CLCN5: variants seen among roughly 807,000 people sequenced by gnomAD.
The protein encoded by CLCN5 is Cl-/H+ antiporter 5.
Under a neutral mutation model 54.0 loss-of-function variants are expected in CLCN5, and 17 were observed. That is an observed-to-expected ratio of 0.31 (90% confidence interval 0.22 to 0.47). The LOEUF (loss-of-function observed/expected upper bound fraction) is 0.47, where lower values mean the gene tolerates loss of function less well. CLCN5 is among the 20% of genes least tolerant of loss of function. CLCN5 has a pLI of 1.00. For synonymous variants in CLCN5, 222 were observed against 233.0 expected (o/e 0.95, Z 0.43); for missense variants, 448 against 646.7 (o/e 0.69, Z 3.33).
intron 4 of CLCN5, among the ~76,000 whole-genome samples, chrX:50,043,720 T>C (rs1436490629): frequency 9.8e-5 from 11 of 111,986 alleles, no homozygotes; most frequent in Non-Finnish European, 2.1e-4. Context: ...CACTTCTAGT[T>C]TGTCTCTTTT....
chrX:50,007,413 C>CTCTT (rs1930230184), intron 3 of CLCN5, among the ~76,000 whole-genome samples: 1 of 97,910 alleles, frequency 1.0e-5, no homozygotes, highest in Non-Finnish European at 2.0e-5. Flanking sequence ...CTCTCTCTCT[C>CTCTT]TCTCTCTCTC....
intron 3 of CLCN5, among the ~76,000 whole-genome samples, chrX:49,995,542 G>A (rs782293728): frequency 9.0e-6 from 1 of 111,666 alleles, no homozygotes; most frequent in Admixed American, 9.5e-5. Context: ...TCATAGCAGA[G>A]ACATTCTTAG....
At chrX:49,939,602 C>T (rs1365255347) in intron 3 of CLCN5, among the ~76,000 whole-genome samples, 8 of 109,647 alleles carry the variant, frequency 7.3e-5, no homozygotes, top group Non-Finnish European at 1.1e-4. Flanking sequence ...AACACTTGGA[C>T]GCAGGAAGGG....
At chrX:49,996,219 T>C (rs1378767491) in intron 3 of CLCN5, among the ~76,000 whole-genome samples, 1 of 112,256 alleles carries the variant, frequency 8.9e-6, no homozygotes, top group Non-Finnish European at 1.9e-5. Flanking sequence ...TTCATCTTCA[T>C]AAAACACCAC....
intron 3 of CLCN5, chrX:50,003,611 G>T (rs1557180957): frequency 2.9e-6 from 1 of 342,773 alleles, no homozygotes; most frequent in Non-Finnish European, 5.9e-6. Flanking sequence ...GCTCTCTTGT[G>T]CATGTGTATA....
intron 3 of CLCN5, among the ~76,000 whole-genome samples, chrX:49,963,077 G>GA (rs1433471514): frequency 1.1e-4 from 12 of 112,020 alleles, no homozygotes; most frequent in African/African-American, 3.2e-4. Context: ...GGAAGTGCTT[G>GA]AATTGAGGTA....
At chrX:50,080,384 G>C (rs938217643) in intron 7 of CLCN5, among the ~76,000 whole-genome samples, 2 of 110,532 alleles carry the variant, frequency 1.8e-5, no homozygotes, top group Non-Finnish European at 3.8e-5. Context: ...AATTTCCTTT[G>C]GGTGTAGCAA....
At chrX:49,960,728 T>A (rs1234631701) in intron 3 of CLCN5, among the ~76,000 whole-genome samples, 1 of 110,873 alleles carries the variant, frequency 9.0e-6, no homozygotes, top group Admixed American at 9.6e-5. Context: ...ATCATCTCCC[T>A]TCTCTCTCTT....
At chrX:50,063,577 G>C (rs1477208885) in intron 4 of CLCN5, among the ~76,000 whole-genome samples, 3 of 107,400 alleles carry the variant, frequency 2.8e-5, no homozygotes, top group East Asian at 5.8e-4. Flanking sequence ...TTCTCCCAGA[G>C]GTACAAGGAG....
chrX:49,934,720 AATC>A (rs1226498103), intron 3 of CLCN5, among the ~76,000 whole-genome samples: 1 of 112,087 alleles, frequency 8.9e-6, no homozygotes, highest in Non-Finnish European at 1.9e-5. Context: ...GTGGAAATGA[AATC>A]GATATTACTA....
intron 8 of CLCN5, among the ~76,000 whole-genome samples, chrX:50,081,145 G>A (rs1379860662): frequency 9.0e-6 from 1 of 111,595 alleles, no homozygotes; most frequent in Non-Finnish European, 1.9e-5. Context: ...TTGCTTGACA[G>A]TGACTAAAGA....
intron 3 of CLCN5, among the ~76,000 whole-genome samples, chrX:49,960,341 C>A (rs1601979827): frequency 9.0e-6 from 1 of 110,966 alleles, no homozygotes; most frequent in East Asian, 2.9e-4. Context: ...TATCCATGAC[C>A]AAACTGTGAT....
At chrX:50,051,890 T>C in intron 4 of CLCN5, among the ~76,000 whole-genome samples, 1 of 112,018 alleles carries the variant, frequency 8.9e-6, no homozygotes, top group East Asian at 2.8e-4. Context: ...ATGTTGTCTT[T>C]ATTAGTTCTA....
intron 3 of CLCN5, among the ~76,000 whole-genome samples, chrX:50,032,540 G>A (rs1931760930): frequency 9.2e-6 from 1 of 108,358 alleles, no homozygotes; most frequent in Non-Finnish European, 1.9e-5. Context: ...GTCTGTTCAT[G>A]TCCTTTGCCC....
chrX:49,938,282 A>C (rs1926112816), intron 3 of CLCN5, among the ~76,000 whole-genome samples: 1 of 111,857 alleles, frequency 8.9e-6, no homozygotes, highest in Admixed American at 9.6e-5. Flanking sequence ...GAATTGGAAA[A>C]AACTACTTTA....
chrX:49,962,239 G>A (rs1257456968), intron 3 of CLCN5, among the ~76,000 whole-genome samples: 6 of 111,945 alleles, frequency 5.4e-5, no homozygotes, highest in Non-Finnish European at 7.5e-5. Context: ...ATCCAAGTGG[G>A]ACTGATAAAT....
chrX:49,960,011 T>A (rs1421315061), intron 3 of CLCN5, among the ~76,000 whole-genome samples: 2 of 111,498 alleles, frequency 1.8e-5, no homozygotes, highest in Non-Finnish European at 3.8e-5. Flanking sequence ...CTTTCACATC[T>A]CCTGTTCCCT....
chrX:50,072,597 A>G lies in CLCN5; in HGVS notation c.415+9A>G. ...TATTGGGCTTTTATCAGGTATGGTAAACTGTTAGTTTTCAAAACAAATCTC... is the reference window on the plus strand; with the variant it reads ...TATTGGGCTTTTATCAGGTATGGTAGACTGTTAGTTTTCAAAACAAATCTC... On this transcript the variant is annotated intron_variant, in intron 6 of 14. Coordinates refer to ENST00000376091, the MANE Select transcript of CLCN5 (RefSeq NM_001127898.4). The G allele has an allele frequency of 8.6e-7, 1 of 1,158,947 alleles. No individual in the cohort carries two copies. The highest frequency in any genetic ancestry group is 1.2e-6 in the Non-Finnish European group (1 of 847,992).
intron 3 of CLCN5, among the ~76,000 whole-genome samples, chrX:50,007,381 CTCTCTCTCTCTCTCTT>C: frequency 1.1e-5 from 1 of 92,999 alleles, no homozygotes; most frequent in Non-Finnish European, 2.1e-5. Context: ...CATTTTCTGT[CTCTCTCTCTCTCTCTT>C]TCTCTCTCTC....
Sources: gnomAD v4.1 joint callset for allele counts (sites outside exome capture counted in the v4.1 genomes callset) on GRCh38, gnomAD v4.1.1 for gene constraint, MANE v1.5 for transcripts, NCBI Gene and HGNC (gene_info 2026-07-23, HGNC 2026-07-21) for gene names.